Variants in CLVS2 observed in about 807,000 individuals in gnomAD.
CLVS2 encodes clavesin-2.
CLVS2 carries 19 observed loss-of-function variants against 29.0 expected under a neutral mutation model. The observed-to-expected ratio is 0.66, with a 90% confidence interval of 0.46 to 0.96. The LOEUF (loss-of-function observed/expected upper bound fraction) is 0.96. Among genes scored for constraint, CLVS2 ranks in the 40% least tolerant of loss-of-function variants. The probability of loss-of-function intolerance (pLI) is 0.00; values close to 1 mark genes in which losing one functional copy is unlikely to be tolerated. For missense variants in CLVS2, 294 were observed against 404.1 expected (o/e 0.73, Z 2.34); for synonymous variants, 161 against 151.3 (o/e 1.06, Z -0.47).
intron 3 of CLVS2, among the ~76,000 whole-genome samples, chr6:123,016,339 TG>T (rs10665635): frequency 6.9e-5 from 9 of 130,602 alleles, no homozygotes; most frequent in African/African-American, 2.7e-4. Flanking sequence ...GTGCTTTTTT[TG>T]GGGGGGAGGG....
At chr6:123,024,292 T>C (rs1168789888) in intron 3 of CLVS2, among the ~76,000 whole-genome samples, 2 of 152,172 alleles carry the variant, frequency 1.3e-5, no homozygotes, top group East Asian at 1.9e-4. Context: ...TTACAACAAA[T>C]GGAAATCACT....
At chr6:123,061,420 CCTGTT>C (rs1300514298) in intron 5 of CLVS2, among the ~76,000 whole-genome samples, 2 of 151,844 alleles carry the variant, frequency 1.3e-5, no homozygotes, top group Non-Finnish European at 2.9e-5. Flanking sequence ...CACAAATAAT[CCTGTT>C]CTGTCATAAA....
chr6:123,014,504 A>G lies in CLVS2; in HGVS notation c.564+3345A>G, dbSNP rs575442945. Among the ~76,000 whole-genome samples the G allele has an allele frequency of 2.6e-5, 4 of 152,212 alleles. No homozygotes were observed. In the South Asian group the frequency reaches 6.2e-4, roughly 24 times the overall value. On this transcript the variant is annotated intron_variant, in intron 3 of 5. Coordinates refer to ENST00000275162, the MANE Select transcript of CLVS2 (RefSeq NM_001010852.4). ...AGAAAAGCTTCTAAAGGCAGACAGA[A>G]CAGGATTTGGATGGCAACCCTGCCA...
intron 3 of CLVS2, among the ~76,000 whole-genome samples, chr6:123,022,224 C>G (rs754077916): frequency 1.3e-5 from 2 of 152,060 alleles, no homozygotes. Context: ...GTTAGAGCCA[C>G]ATGTACATTT....
intron 3 of CLVS2, among the ~76,000 whole-genome samples, chr6:123,027,884 T>C (rs1437362481): frequency 6.6e-6 from 1 of 152,226 alleles, no homozygotes; most frequent in Admixed American, 6.5e-5. Flanking sequence ...TTGCATTTGC[T>C]CTGTATCTGA....
chr6:123,010,319 G>A (rs1013030852), intron 2 of CLVS2, among the ~76,000 whole-genome samples: 4 of 152,066 alleles, frequency 2.6e-5, no homozygotes, highest in South Asian at 2.1e-4. Context: ...TTACTGGAAC[G>A]TTTCAGGAAC....
At chr6:122,999,366 T>C (rs1294890044) in intron 2 of CLVS2, among the ~76,000 whole-genome samples, 1 of 152,194 alleles carries the variant, frequency 6.6e-6, no homozygotes, top group Non-Finnish European at 1.5e-5. Context: ...TTTTTCCCTG[T>C]AATTCTAGGT....
rs2114290396 is a variant in CLVS2, at chr6:122,997,726, T to C, written c.-52T>C. 1.3e-6 allele frequency: 2 copies of C among 1,581,308 alleles called. No individual in the cohort carries two copies. Among genetic ancestry groups the C allele is most frequent in the Non-Finnish European group, 1.7e-6 (2 of 1,162,916 alleles). On this transcript the variant is annotated 5_prime_UTR_variant, in exon 2 of 6. Coordinates refer to ENST00000275162, the MANE Select transcript of CLVS2 (RefSeq NM_001010852.4). ...GGTGGTGGCAAGGACCAGGTTTGCT[T>C]TGGGACAGTCAACAAGGTCTTCTGA...
chr6:123,025,493 A>G (rs950275007), intron 3 of CLVS2, among the ~76,000 whole-genome samples: 2 of 152,138 alleles, frequency 1.3e-5, no homozygotes, highest in Non-Finnish European at 2.9e-5. Context: ...TATATGAAGC[A>G]AGTGAATCTG....
intron 4 of CLVS2, among the ~76,000 whole-genome samples, chr6:123,049,994 A>G (rs1339849925): frequency 6.6e-6 from 1 of 152,200 alleles, no homozygotes; most frequent in African/African-American, 2.4e-5. Context: ...GCATTAATGA[A>G]CAAAGGGCTT....
chr6:123,063,407 G>A (rs2114372083), intron 5 of CLVS2, among the ~76,000 whole-genome samples: 1 of 152,190 alleles, frequency 6.6e-6, no homozygotes, highest in African/African-American at 2.4e-5. Context: ...ACTGTGAAGA[G>A]CTCTTAAGCC....
chr6:123,045,996 T>C (rs1772501566), intron 3 of CLVS2, among the ~76,000 whole-genome samples: 1 of 152,060 alleles, frequency 6.6e-6, no homozygotes, highest in African/African-American at 2.4e-5. Context: ...CGTAAAACAG[T>C]ATGTTGACTA....
At chr6:123,044,356 T>C (rs1364174195) in intron 3 of CLVS2, among the ~76,000 whole-genome samples, 1 of 152,180 alleles carries the variant, frequency 6.6e-6, no homozygotes, top group East Asian at 1.9e-4. Context: ...GCGCTTTAGA[T>C]AGATCTCAAT....
At chr6:123,052,134 A>G (rs755951757) in intron 4 of CLVS2, among the ~76,000 whole-genome samples, 21 of 152,208 alleles carry the variant, frequency 1.4e-4, no homozygotes, top group Non-Finnish European at 2.5e-4. Context: ...ATTATATGAT[A>G]TATTAGAAGT....
intron 2 of CLVS2, among the ~76,000 whole-genome samples, chr6:123,008,358 A>G (rs1774700429): frequency 6.6e-6 from 1 of 152,184 alleles, no homozygotes; most frequent in Non-Finnish European, 1.5e-5. Context: ...TTCCTTTGGA[A>G]TAATGATATG....
At chr6:122,999,576 A>G (rs1774560012) in intron 2 of CLVS2, among the ~76,000 whole-genome samples, 1 of 152,186 alleles carries the variant, frequency 6.6e-6, no homozygotes, top group African/African-American at 2.4e-5. Context: ...TTATTCATTG[A>G]CCACAATTTT....
In CLVS2 at chr6:123,072,357, A is replaced by G. The variant is rs1396489519; in HGVS notation, c.*8596A>G. Reference sequence around the variant, plus strand: ...TGGCTTTGTAATGGGTAGGGGTTTTATTCCTCTTTGTGTGCTATGTAGGAC... The same window carrying G: ...TGGCTTTGTAATGGGTAGGGGTTTTGTTCCTCTTTGTGTGCTATGTAGGAC... On this transcript the variant is annotated 3_prime_UTR_variant, in exon 6 of 6. Coordinates refer to ENST00000275162, the MANE Select transcript of CLVS2 (RefSeq NM_001010852.4). 1.3e-5 allele frequency: 2 copies of G among 152,052 alleles called. No individual in the cohort carries two copies. Among genetic ancestry groups the G allele is most frequent in the Non-Finnish European group, 2.9e-5 (2 of 67,932 alleles). The allele number at this position is 152,052 out of a possible 1,614,324, so 9.4% of individuals were successfully genotyped here. A position where few individuals can be genotyped will look rare whatever the true frequency, so the allele number is the denominator to read the frequency against.
chr6:123,056,477 T>A (rs1772695854), intron 5 of CLVS2, among the ~76,000 whole-genome samples: 1 of 152,208 alleles, frequency 6.6e-6, no homozygotes, highest in Admixed American at 6.5e-5. Flanking sequence ...AATCATGCAG[T>A]ATTTTTCCAT....
At chr6:123,034,565 T>A (rs1446431682) in intron 3 of CLVS2, among the ~76,000 whole-genome samples, 1 of 152,096 alleles carries the variant, frequency 6.6e-6, no homozygotes, top group African/African-American at 2.4e-5. Context: ...GATTAGGAAT[T>A]GAGGTCAGAT....
Sources: allele counts gnomAD v4.1 joint callset (sites outside exome capture counted in the v4.1 genomes callset), GRCh38; gene constraint gnomAD v4.1.1; transcripts MANE v1.5; gene names NCBI Gene and HGNC (gene_info 2026-07-23, HGNC 2026-07-21).